The following FGF18 variants were observed in gnomAD, a reference collection of about 807,000 sequenced individuals.
FGF18 encodes fibroblast growth factor 18.
Under a neutral mutation model 23.0 loss-of-function variants are expected in FGF18, and 5 were observed. That is an observed-to-expected ratio of 0.22 (90% CI 0.11 to 0.46). The LOEUF is 0.46. Ranked by LOEUF, FGF18 falls within the 20% of genes least tolerant of loss-of-function variation. FGF18 has a pLI of 0.99. For synonymous variants in FGF18, 117 were observed against 118.9 expected (o/e 0.98, Z 0.10); for missense variants, 180 against 291.6 (o/e 0.62, Z 2.79).
chr5:171,444,537 G>A (rs1334127061), intron 3 of FGF18, among the ~76,000 whole-genome samples: 2 of 144,466 alleles, frequency 1.4e-5, no homozygotes, highest in Non-Finnish European at 3.0e-5. Flanking sequence ...ACTGAAAGAG[G>A]CCTCAGAGGT....
chr5:171,421,427 A>G (rs1322732934), intron 2 of FGF18, among the ~76,000 whole-genome samples: 1 of 152,202 alleles, frequency 6.6e-6, no homozygotes, highest in African/African-American at 2.4e-5. Flanking sequence ...GGAACTGGAC[A>G]CAGGTCAAAA....
intron 2 of FGF18, among the ~76,000 whole-genome samples, chr5:171,429,455 A>G (rs995976248): frequency 5.3e-5 from 8 of 152,256 alleles, no homozygotes; most frequent in Admixed American, 3.9e-4. Flanking sequence ...CCCTTGGGCC[A>G]GAGTCCAGGA....
At chr5:171,450,406 G>T (rs1772480365) in intron 4 of FGF18, among the ~76,000 whole-genome samples, 1 of 152,138 alleles carries the variant, frequency 6.6e-6, no homozygotes, top group Admixed American at 6.5e-5. Flanking sequence ...CTGACTTTCT[G>T]CCCGGCACTG....
At position 171,456,957 on chromosome 5, in the gene FGF18, G is replaced by A. The variant is rs1410011058; in HGVS notation, c.*152G>A. The A allele has an allele frequency of 3.1e-6, 3 of 964,164 alleles. No homozygotes were observed. The highest frequency in any genetic ancestry group is 4.5e-6 in the Non-Finnish European group (3 of 671,182). 59.7% of individuals were successfully genotyped at this position (964,164 alleles called of 1,614,324 possible). On this transcript the variant is annotated 3_prime_UTR_variant, in exon 5 of 5. Coordinates refer to ENST00000274625, the MANE Select transcript of FGF18 (RefSeq NM_003862.3). The surrounding 1 kb of genome is among the most constrained non-coding windows in gnomAD (Gnocchi z 6.1). The stretch of plus-strand genomic sequence containing the variant: ...AGACAAAAACTGAACCAAAACTCTT[G>A]GGGGGAGGGGTGATAAGGATTTTAT...
intron 4 of FGF18, among the ~76,000 whole-genome samples, chr5:171,455,476 C>T (rs1772567867): frequency 6.6e-6 from 1 of 152,196 alleles, no homozygotes; most frequent in South Asian, 2.1e-4. Flanking sequence ...ACAGTATCAC[C>T]TGTTTTAAAG....
chr5:171,429,241 G>T (rs1008999819), intron 2 of FGF18, among the ~76,000 whole-genome samples: 1 of 152,226 alleles, frequency 6.6e-6, no homozygotes, highest in African/African-American at 2.4e-5. Context: ...GGTTCAGATC[G>T]TGGCTCTTTC....
At chr5:171,438,993 T>C (rs1186441935) in intron 3 of FGF18, among the ~76,000 whole-genome samples, 1 of 151,798 alleles carries the variant, frequency 6.6e-6, no homozygotes, top group Non-Finnish European at 1.5e-5. Context: ...GTCAGAATCG[T>C]AAGATTTTAT....
intron 2 of FGF18, among the ~76,000 whole-genome samples, chr5:171,432,345 T>C (rs1475113621): frequency 2.7e-5 from 4 of 150,342 alleles, no homozygotes; most frequent in African/African-American, 4.9e-5. Context: ...TGAGGTGCCA[T>C]GTCTGGGGGT....
intron 2 of FGF18, among the ~76,000 whole-genome samples, chr5:171,421,110 C>G (rs1458647373): frequency 6.6e-6 from 1 of 152,240 alleles, no homozygotes; most frequent in Non-Finnish European, 1.5e-5. Context: ...CAGAAGAGGG[C>G]TTGGCGCTCG....
chr5:171,430,429 A>G (rs1431950150), intron 2 of FGF18, among the ~76,000 whole-genome samples: 1 of 152,018 alleles, frequency 6.6e-6, no homozygotes, highest in Non-Finnish European at 1.5e-5. Flanking sequence ...GACATCCCTC[A>G]AGAGATTCCT....
chr5:171,450,851 C>T (rs2113363603), intron 4 of FGF18, among the ~76,000 whole-genome samples: 1 of 152,062 alleles, frequency 6.6e-6, no homozygotes, highest in South Asian at 2.1e-4. Flanking sequence ...TGTTCTCCTG[C>T]CCGCCTGGGC....
chr5:171,442,768 A>G (rs1772364296), intron 3 of FGF18, among the ~76,000 whole-genome samples: 1 of 151,686 alleles, frequency 6.6e-6, no homozygotes, highest in African/African-American at 2.4e-5. Context: ...CACCCTTCAA[A>G]CCCAAAGTCT....
At chr5:171,430,571 G>A (rs1772166126) in intron 2 of FGF18, among the ~76,000 whole-genome samples, 1 of 143,912 alleles carries the variant, frequency 6.9e-6, no homozygotes, top group African/African-American at 2.9e-5. Context: ...GGTGGATCAT[G>A]AGGTCAGGAG....
intron 3 of FGF18, among the ~76,000 whole-genome samples, chr5:171,443,500 CAT>C (rs1491173752): frequency 0.014 from 988 of 70,404 alleles, 106 homozygotes; most frequent in Middle Eastern, 0.051. Context: ...CTGTTATCAT[CAT>C]TTTTTTTTTT....
chr5:171,443,135 C>CT (rs551889632), intron 3 of FGF18, among the ~76,000 whole-genome samples: 56 of 147,184 alleles, frequency 3.8e-4, no homozygotes, highest in Admixed American at 4.1e-4. Flanking sequence ...CATTCACACA[C>CT]TTTTTTTTTT....
intron 2 of FGF18, among the ~76,000 whole-genome samples, chr5:171,422,485 G>C (rs1215723102): frequency 6.6e-6 from 1 of 152,148 alleles, no homozygotes; most frequent in Admixed American, 6.5e-5. Flanking sequence ...CAAAAATGGT[G>C]CTCAAATGTG....
Position 171,456,856 on chromosome 5 carries a change from G to C in FGF18, c.*51G>C. On this transcript the variant is annotated 3_prime_UTR_variant, in exon 5 of 5. Coordinates refer to ENST00000274625, the MANE Select transcript of FGF18 (RefSeq NM_003862.3). This position sits in a 1 kb window ranked among gnomAD's most constrained non-coding sequence, Gnocchi z 6.1. The stretch of plus-strand genomic sequence containing the variant: ...CGCCCTGGCCACACTCACACTCCCA[G>C]AAAACTGCATCAGAGGAATATTTTT... 1 of 1,546,482 alleles carries C rather than the reference G, an allele frequency of 6.5e-7. No individual in the cohort carries two copies. The highest frequency in any genetic ancestry group is 8.7e-7 in the Non-Finnish European group (1 of 1,147,342).
intron 2 of FGF18, among the ~76,000 whole-genome samples, chr5:171,428,534 C>A (rs987069551): frequency 6.6e-6 from 1 of 152,142 alleles, no homozygotes; most frequent in Non-Finnish European, 1.5e-5. Context: ...CCTCTGCGTG[C>A]GTGCATGTGT....
At chr5:171,425,167 C>G (rs1034059825) in intron 2 of FGF18, among the ~76,000 whole-genome samples, 1 of 152,238 alleles carries the variant, frequency 6.6e-6, no homozygotes, top group Non-Finnish European at 1.5e-5. Flanking sequence ...GGGGTGCAGT[C>G]ACATCAAGCC....
Sources: allele counts gnomAD v4.1 joint callset (sites outside exome capture counted in the v4.1 genomes callset), GRCh38; gene constraint gnomAD v4.1.1; non-coding constraint Gnocchi (gnomAD v3.1); transcripts MANE v1.5; gene names NCBI Gene and HGNC (gene_info 2026-07-23, HGNC 2026-07-21).